Variants in DNASE1 observed in about 807,000 individuals in gnomAD.
The protein encoded by DNASE1 is deoxyribonuclease 1.
A neutral mutation model predicts 33.9 loss-of-function variants in DNASE1; 40 were observed. The ratio of observed to expected loss-of-function variants is 1.18; its 90% CI spans 0.92 to 1.54. DNASE1 has a LOEUF of 1.54. DNASE1 is among the 40% of genes most tolerant of loss of function. The pLI is 0.00. For missense variants in DNASE1, 518 were observed against 372.6 expected (o/e 1.39, Z -3.21); for synonymous variants, 216 against 160.0 (o/e 1.35, Z -2.64).
chr16:3,654,159 G>A (rs1368602501), upstream of DNASE1: 2 of 392,612 alleles, frequency 5.1e-6, no homozygotes, highest in Non-Finnish European at 9.0e-6. Context: ...TACTGGACCT[G>A]AGGCCTGGCC....
At chr16:3,655,617 T>G in intron 2 of DNASE1, 97 bp downstream of exon 2, 2 of 1,578,458 alleles carry the variant, frequency 1.3e-6, no homozygotes, top group African/African-American at 2.7e-5. Flanking sequence ...GTGTCGGGTG[T>G]GGGGTACTGA....
In DNASE1 at chr16:3,656,137, A is replaced by C; in HGVS notation, c.272A>C (p.Glu91Ala). ...APDTYHYVVSEPLGRNSYKER... is the reference protein window; with the variant it reads ...APDTYHYVVSAPLGRNSYKER... ...GACACCTATCACTACGTGGTCAGTG[A>C]GCCACTGGGACGGAACAGCTATAAG... Residue 91 changes from glutamate (E) to alanine (A), a missense_variant, in exon 4 of 9, where the codon GAG becomes GCG. Coordinates refer to ENST00000246949, the MANE Select transcript of DNASE1 (RefSeq NM_005223.4). The C allele has an allele frequency of 6.2e-7, 1 of 1,614,074 alleles. No homozygotes were observed. Among genetic ancestry groups the C allele is most frequent in the Non-Finnish European group, 8.5e-7 (1 of 1,180,008 alleles).
chr16:3,657,875 C>G (rs777176268), intron 8 of DNASE1, 31 bp from the exon 9 acceptor site: 9 of 1,613,908 alleles, frequency 5.6e-6, no homozygotes, highest in Non-Finnish European at 6.8e-6. Context: ...CAGGTAGGCT[C>G]AGCCCAGACC....
chr16:3,664,697 C>A, exon 10 of DNASE1: 1 of 517,826 alleles, frequency 1.9e-6, no homozygotes, highest in Non-Finnish European at 3.4e-6. Flanking sequence ...GGCCCAGGGG[C>A]TCTCCAGGGA....
chr16:3,653,165 G>T (rs1187303477), upstream of DNASE1: 1 of 152,238 alleles, frequency 6.6e-6, no homozygotes, highest in Non-Finnish European at 1.5e-5. Flanking sequence ...AGAAGAGGCA[G>T]AGACTGGGGT....
chr16:3,621,986 C>T (rs895919308), intron 1 of DNASE1, among the ~76,000 whole-genome samples: 2 of 151,988 alleles, frequency 1.3e-5, no homozygotes, highest in Non-Finnish European at 2.9e-5. Context: ...TTTGGGAGAC[C>T]GAGGCAGGTG....
chr16:3,612,401 T>A (rs1177151221), intron 1 of DNASE1, among the ~76,000 whole-genome samples: 1 of 151,802 alleles, frequency 6.6e-6, no homozygotes, highest in African/African-American at 2.4e-5. Context: ...CAGGCGCCAG[T>A]CACCACGCCC....
chr16:3,662,452 T>C (rs2151239546), downstream of DNASE1: 2 of 535,902 alleles, frequency 3.7e-6, no homozygotes, highest in East Asian at 6.6e-5. Flanking sequence ...TGACCATGCA[T>C]GGGACGCTCA....
chr16:3,662,005 G>A (rs538573375), downstream of DNASE1: 1,064 of 1,609,242 alleles, frequency 6.6e-4, 17 homozygotes, highest in South Asian at 0.011. Flanking sequence ...GATCTCCAGC[G>A]TGGGCTGCAG....
upstream of DNASE1, chr16:3,653,034 C>G (rs977455534): frequency 6.6e-6 from 1 of 152,252 alleles, no homozygotes; most frequent in Non-Finnish European, 1.5e-5. Context: ...AGCCCTGGAA[C>G]CTCTGAATGT....
chr16:3,655,646 C>A, intron 2 of DNASE1, 126 bp downstream of exon 2: 1 of 1,489,058 alleles, frequency 6.7e-7, no homozygotes, highest in Non-Finnish European at 9.2e-7. Context: ...GCTCCCAGCA[C>A]GGTGGAACAG....
downstream of DNASE1, chr16:3,662,149 G>T: frequency 6.2e-7 from 1 of 1,605,788 alleles, no homozygotes; most frequent in East Asian, 2.2e-5. Context: ...GCAAAGCCCG[G>T]GGTTGAGGGT....
intron 1 of DNASE1, among the ~76,000 whole-genome samples, chr16:3,631,494 T>G (rs2041699103): frequency 6.6e-6 from 1 of 151,532 alleles, no homozygotes; most frequent in South Asian, 2.1e-4. Context: ...TGTGAGCCAC[T>G]GTGCCCAGCC....
Position 3,647,529 on chromosome 16 carries a change from C to T in DNASE1, c.-86+4493C>T, listed in dbSNP as rs185684799. Reference sequence around the variant, plus strand: ...GCTCTAGCAGTCCTCCCACTGTGGCCTGCCAAAGTGCTGGGATTACAGGCA... The same window carrying T: ...GCTCTAGCAGTCCTCCCACTGTGGCTTGCCAAAGTGCTGGGATTACAGGCA... On this transcript the variant is annotated intron_variant, in intron 1 of 9. Transcript: ENST00000407479. 4.0e-3 allele frequency among the ~76,000 whole-genome samples: 605 copies of T among 152,218 alleles called. 2 individuals carry two copies. Among genetic ancestry groups the T allele is most frequent in the Non-Finnish European group, 3.1e-3 (213 of 68,028 alleles).
intron 1 of DNASE1, among the ~76,000 whole-genome samples, chr16:3,645,507 A>C (rs1567200232): frequency 6.6e-6 from 1 of 152,218 alleles, no homozygotes; most frequent in African/African-American, 2.4e-5. Flanking sequence ...CTTTTTAGAC[A>C]AACTTCTTTT....
chr16:3,634,700 A>G (rs8057783), intron 1 of DNASE1, among the ~76,000 whole-genome samples: 1,569 of 151,142 alleles, frequency 0.01, 30 homozygotes, highest in African/African-American at 0.036. Context: ...TTTCTAGTAG[A>G]GACAGGGTCT....
chr16:3,657,189 C>A lies in DNASE1; in HGVS notation c.552C>A (p.Asp184Glu), dbSNP rs769436738. 6.2e-7 allele frequency: 1 copy of A among 1,614,086 alleles called. No homozygotes were observed. Among genetic ancestry groups the A allele is most frequent in the East Asian group, 2.2e-5 (1 of 44,878 alleles). Residue 184 changes from aspartate to glutamate, a missense_variant and splice_region_variant, in exon 7 of 9, where the codon GAC becomes GAA. Physicochemically the swap from Asp to Glu is conservative, Grantham distance 45 (BLOSUM62 2). Coordinates refer to ENST00000246949, the MANE Select transcript of DNASE1 (RefSeq NM_005223.4). Reference sequence around the variant, plus strand: ...CCACAGGCAGCGTTTCCTGGTAGGACGTCATGTTGATGGGCGACTTCAATG... The same window carrying A: ...CCACAGGCAGCGTTTCCTGGTAGGAAGTCATGTTGATGGGCGACTTCAATG... ...LDVQEKWGLE[D>E]VMLMGDFNAG...
intron 1 of DNASE1, among the ~76,000 whole-genome samples, chr16:3,615,131 C>G (rs980903745): frequency 1.3e-5 from 2 of 152,042 alleles, no homozygotes. Context: ...ATCTTTCAAC[C>G]TGTGTCTTTT....
chr16:3,662,393 G>A (rs923727282), downstream of DNASE1: 31 of 577,078 alleles, frequency 5.4e-5, no homozygotes, highest in Admixed American at 2.7e-4. Flanking sequence ...CGAATCCATC[G>A]TCCTCTGCTC....
Sources: allele counts gnomAD v4.1 joint callset (sites outside exome capture counted in the v4.1 genomes callset), GRCh38; gene constraint gnomAD v4.1.1; transcripts MANE v1.5; gene names NCBI Gene and HGNC (gene_info 2026-07-23, HGNC 2026-07-21).